The following NRG3 variants were observed in gnomAD, a reference collection of about 807,000 sequenced individuals.
NRG3 encodes the protein pro-neuregulin-3, membrane-bound isoform.
In NRG3, 31 loss-of-function variants were observed where a neutral mutation model predicts 66.9. That is an observed-to-expected ratio of 0.46 (90% confidence interval 0.35 to 0.63). NRG3 has a LOEUF of 0.63. Among genes scored for constraint, NRG3 ranks in the 20% least tolerant of loss-of-function variants. The pLI is 0.00. For missense variants in NRG3, 910 were observed against 878.9 expected (o/e 1.04, Z -0.45); for synonymous variants, 393 against 359.4 (o/e 1.09, Z -1.06).
chr10:81,984,701 G>C (rs766924246), intron 1 of NRG3, among the ~76,000 whole-genome samples: 2 of 152,032 alleles, frequency 1.3e-5, no homozygotes, highest in Non-Finnish European at 2.9e-5. Flanking sequence ...TGTTTCAAAG[G>C]CATCTTGAAT....
At chr10:81,931,937 A>G (rs1490399537) in intron 1 of NRG3, among the ~76,000 whole-genome samples, 1 of 152,196 alleles carries the variant, frequency 6.6e-6, no homozygotes, top group Non-Finnish European at 1.5e-5. Context: ...TGGGCAATTC[A>G]GGATAAGGCA....
intron 1 of NRG3, among the ~76,000 whole-genome samples, chr10:82,165,604 C>T (rs1352967813): frequency 6.6e-6 from 1 of 151,880 alleles, no homozygotes; most frequent in Non-Finnish European, 1.5e-5. Flanking sequence ...ACTCTAAATA[C>T]ATATAGAATA....
chr10:82,736,005 A>G (rs1031504204), intron 2 of NRG3, among the ~76,000 whole-genome samples: 1 of 152,176 alleles, frequency 6.6e-6, no homozygotes, highest in African/African-American at 2.4e-5. Context: ...TAAAGACTAC[A>G]CATGTACTTC....
At chr10:82,190,644 C>T (rs1412833474) in intron 1 of NRG3, among the ~76,000 whole-genome samples, 1 of 152,112 alleles carries the variant, frequency 6.6e-6, no homozygotes, top group South Asian at 2.1e-4. Context: ...GCTCTGTGAC[C>T]TCAAACAAAT....
chr10:82,238,893 A>C (rs2076873457), intron 1 of NRG3, among the ~76,000 whole-genome samples: 1 of 98,496 alleles, frequency 1.0e-5, no homozygotes, highest in Non-Finnish European at 2.3e-5. Flanking sequence ...TTTTTAGTGC[A>C]TTATTTTTAG....
intron 1 of NRG3, among the ~76,000 whole-genome samples, chr10:82,252,572 C>A (rs554149234): frequency 1.0e-3 from 157 of 152,228 alleles, no homozygotes; most frequent in African/African-American, 3.6e-3. Flanking sequence ...TGTGACATAT[C>A]TGGTACAGTA....
At chr10:82,461,193 C>T (rs1212270943) in intron 2 of NRG3, among the ~76,000 whole-genome samples, 1 of 151,712 alleles carries the variant, frequency 6.6e-6, no homozygotes, top group Non-Finnish European at 1.5e-5. Flanking sequence ...ATCACCACCA[C>T]AATCACCACC....
chr10:82,108,290 T>C (rs905996854), intron 1 of NRG3, among the ~76,000 whole-genome samples: 2 of 152,204 alleles, frequency 1.3e-5, no homozygotes, highest in African/African-American at 4.8e-5. Context: ...TACTGATCTA[T>C]TTGCTAATAT....
At chr10:82,222,462 G>A (rs2075984788) in intron 1 of NRG3, among the ~76,000 whole-genome samples, 1 of 152,142 alleles carries the variant, frequency 6.6e-6, no homozygotes, top group Non-Finnish European at 1.5e-5. Context: ...CACAAAGGAT[G>A]TACCAAGGTT....
At chr10:82,632,391 C>T (rs1471473550) in intron 2 of NRG3, among the ~76,000 whole-genome samples, 4 of 152,176 alleles carry the variant, frequency 2.6e-5, no homozygotes, top group South Asian at 4.1e-4. Context: ...GATTTTATAG[C>T]TCTATGAGCT....
At chr10:82,109,535 TTGTGTGTGTGTGTGTGTGTG>T (rs747213240) in intron 1 of NRG3, among the ~76,000 whole-genome samples, 1 of 138,774 alleles carries the variant, frequency 7.2e-6, no homozygotes, top group African/African-American at 2.7e-5. Flanking sequence ...AAGAATAAGA[TTGTGTGTGTGTGTGTGTGTG>T]TGTGTGTGTG....
At chr10:81,963,563 C>T (rs1001383752) in intron 1 of NRG3, among the ~76,000 whole-genome samples, 4 of 152,174 alleles carry the variant, frequency 2.6e-5, no homozygotes, top group Admixed American at 2.0e-4. Flanking sequence ...CGTTTGTTGT[C>T]TAAGTTTTGC....
At chr10:81,899,895 TAGAA>T (rs943690360) in intron 1 of NRG3, among the ~76,000 whole-genome samples, 8 of 152,126 alleles carry the variant, frequency 5.3e-5, no homozygotes, top group African/African-American at 1.4e-4. Flanking sequence ...CAAAAACAAA[TAGAA>T]AGGTTGGTGG....
chr10:81,904,411 A>G (rs1277824245), intron 1 of NRG3, among the ~76,000 whole-genome samples: 2 of 152,122 alleles, frequency 1.3e-5, no homozygotes, highest in Non-Finnish European at 2.9e-5. Flanking sequence ...CATCCCTGGT[A>G]TAAATCTCTT....
At chr10:82,146,179 G>T (rs1187444003) in intron 1 of NRG3, among the ~76,000 whole-genome samples, 1 of 152,192 alleles carries the variant, frequency 6.6e-6, no homozygotes, top group Non-Finnish European at 1.5e-5. Flanking sequence ...TTCTATCAAA[G>T]AGAATGTTGG....
At chr10:82,817,154 TCTA>T (rs2061746757) in intron 3 of NRG3, among the ~76,000 whole-genome samples, 1 of 152,180 alleles carries the variant, frequency 6.6e-6, no homozygotes, top group African/African-American at 2.4e-5. Context: ...ATTCAGCAAT[TCTA>T]CTGATGGCTT....
At chr10:82,421,638 G>A (rs1564902741) in intron 2 of NRG3, among the ~76,000 whole-genome samples, 1 of 152,024 alleles carries the variant, frequency 6.6e-6, no homozygotes, top group African/African-American at 2.4e-5. Flanking sequence ...GCTTAGAGAA[G>A]TTTTATCCTT....
chr10:82,028,882 G>A (rs1035882215), intron 1 of NRG3, among the ~76,000 whole-genome samples: 2 of 151,960 alleles, frequency 1.3e-5, no homozygotes, highest in Admixed American at 6.6e-5. Context: ...GAATCAGCAC[G>A]GTTTGGTGCG....
intron 1 of NRG3, among the ~76,000 whole-genome samples, chr10:82,008,079 A>G (rs1380364514): frequency 6.6e-6 from 1 of 152,188 alleles, no homozygotes; most frequent in Non-Finnish European, 1.5e-5. Flanking sequence ...TCCATGATGA[A>G]TAAAAGTAGC....
Sources: gnomAD v4.1 joint callset for allele counts (sites outside exome capture counted in the v4.1 genomes callset) on GRCh38, gnomAD v4.1.1 for gene constraint, MANE v1.5 for transcripts, NCBI Gene and HGNC (gene_info 2026-07-23, HGNC 2026-07-21) for gene names.